The following ANKRD30A variants were observed in gnomAD, a reference collection of about 807,000 sequenced individuals.
ANKRD30A encodes ankyrin repeat domain-containing protein 30A.
A neutral mutation model predicts 166.3 loss-of-function variants in ANKRD30A; 170 were observed. The observed-to-expected ratio is 1.02, with a 90% confidence interval of 0.90 to 1.16. The LOEUF is 1.16. ANKRD30A is among the 50% of genes most tolerant of loss of function. The probability of loss-of-function intolerance (pLI) is 0.00; values close to 1 mark genes in which losing one functional copy is unlikely to be tolerated. For missense variants in ANKRD30A, 1,630 were observed against 1,518.0 expected, an observed-to-expected ratio of 1.07 and a Z score of -1.23; for synonymous variants, 564 against 508.9, an observed-to-expected ratio of 1.11 and a Z score of -1.46.
chr10:37,141,754 C>A lies in ANKRD30A; in HGVS notation c.857C>A (p.Pro286His). 6.2e-7 allele frequency: 1 copy of A among 1,611,960 alleles called. No homozygotes were observed. Among genetic ancestry groups the A allele is most frequent in the Non-Finnish European group, 8.5e-7 (1 of 1,179,776 alleles). ...TSAGTPDEAA[P>H]LAERTPDTAE... ...GCAGGAACACCTGATGAGGCTGCACCCTTGGCGGAAAGAACACCTGACACA... is the reference window on the plus strand; with the variant it reads ...GCAGGAACACCTGATGAGGCTGCACACTTGGCGGAAAGAACACCTGACACA... The change falls in exon 7 of 36, where the codon CCC becomes CAC. Residue 286 changes from proline to histidine, a missense_variant. Physicochemically the swap from Pro to His is moderately conservative, Grantham distance 77. This residue lies in a region of ANKRD30A where 904 missense variants were observed against 818.5 expected (regional missense o/e 1.10). Transcript: ENST00000361713.
At chr10:37,243,457 A>G in the ANKRD30A span, among the ~76,000 whole-genome samples, 1 of 151,830 alleles carries the variant, frequency 6.6e-6, no homozygotes, top group African/African-American at 2.4e-5. Flanking sequence ...AAATTTTTTT[A>G]TATTTCTTGA....
the ANKRD30A span, among the ~76,000 whole-genome samples, chr10:37,254,931 C>T: frequency 1.4e-3 from 216 of 152,190 alleles, no homozygotes; most frequent in Middle Eastern, 0.021. Flanking sequence ...ATCTGCCCAC[C>T]TCAGCCTCCC....
rs1840717984 is a variant in ANKRD30A, at chr10:37,192,918, C to T, written c.2513-146C>T. 11 of 1,478,038 alleles carry T rather than the reference C, an allele frequency of 7.4e-6. No homozygotes were observed. The Admixed American group carries it at 8.6e-5, about 12-fold the overall frequency. 91.6% of individuals were successfully genotyped at this position (1,478,038 alleles called of 1,614,324 possible). On this transcript the variant is annotated intron_variant, in intron 25 of 35. Transcript: ENST00000361713. ...TGTCACGTTGGCATGATAACAAATACAGTAACCCAAAAGACCCCAAAAGCT... is the reference window on the plus strand; with the variant it reads ...TGTCACGTTGGCATGATAACAAATATAGTAACCCAAAAGACCCCAAAAGCT...
chr10:37,248,133 C>A, the ANKRD30A span: 1 of 612,870 alleles, frequency 1.6e-6, no homozygotes, highest in Non-Finnish European at 3.2e-6. Context: ...CACCGCTATG[C>A]CTCCTTTCAC....
chr10:37,129,044 C>A (rs1252167379), intron 1 of ANKRD30A, among the ~76,000 whole-genome samples: 2 of 152,094 alleles, frequency 1.3e-5, no homozygotes, highest in Non-Finnish European at 2.9e-5. Flanking sequence ...TGGCTTGAAG[C>A]TTTAAAAATA....
chr10:37,201,961 G>A (rs1200897), intron 31 of ANKRD30A, among the ~76,000 whole-genome samples: 70,393 of 151,792 alleles, frequency 0.46, 16,593 homozygotes, highest in African/African-American at 0.48. Context: ...AAATCAGCGG[G>A]AAACCTAGTT....
intron 1 of ANKRD30A, 36 bp downstream of exon 1, chr10:37,126,044 A>G (rs1314678852): frequency 2.0e-6 from 2 of 979,600 alleles, no homozygotes; most frequent in Non-Finnish European, 1.5e-6. Context: ...CTGCAGGAGG[A>G]GGTGGGGGCG....
intron 31 of ANKRD30A, among the ~76,000 whole-genome samples, chr10:37,203,913 T>C (rs952248462): frequency 1.3e-5 from 2 of 152,106 alleles, no homozygotes; most frequent in African/African-American, 4.8e-5. Context: ...ATAAAATATC[T>C]AGGAATCCAA....
At chr10:37,233,160 A>T (rs1843529960), downstream of ANKRD30A, among the ~76,000 whole-genome samples, 1 of 152,244 alleles carries the variant, frequency 6.6e-6, no homozygotes, top group South Asian at 2.1e-4. Flanking sequence ...GCTTTCTCAG[A>T]CAGCATTGCT....
At chr10:37,152,004 A>G (rs45590233) in intron 11 of ANKRD30A, 56 bp from the exon 12 acceptor site, 7 of 1,464,206 alleles carry the variant, frequency 4.8e-6, no homozygotes, top group Non-Finnish European at 5.6e-6. Context: ...ATATGTTTTT[A>G]AAATTTATAG....
rs560011533 is a variant in ANKRD30A, at chr10:37,203,437, A to C, written c.2869+2112A>C. 4.2e-4 allele frequency among the ~76,000 whole-genome samples: 64 copies of C among 152,226 alleles called. 1 individual carries two copies. The highest frequency in any genetic ancestry group is 2.2e-4 in the Non-Finnish European group (15 of 67,990). On this transcript the variant is annotated intron_variant, in intron 31 of 35. Transcript: ENST00000361713. ...AAGGCCTTTGACAAAATTCAACAGC[A>C]CTTCATGCTAAAAACTCTCAATAAA...
At chr10:37,203,967 C>T (rs137909976) in intron 31 of ANKRD30A, among the ~76,000 whole-genome samples, 200 of 152,174 alleles carry the variant, frequency 1.3e-3, no homozygotes, top group Non-Finnish European at 2.7e-3. Context: ...AACTATACAC[C>T]ACTGCTTAAC....
Position 37,144,855 on chromosome 10 carries a change from G to C in ANKRD30A, c.1394-140G>C, listed in dbSNP as rs563683797. ...CTCTAACCATTTGACTATAGAAGTG[G>C]TTGTGGTTATCTACCAATAGAATAT... On this transcript the variant is annotated intron_variant, in intron 7 of 35. Transcript: ENST00000361713. 20 of 526,132 alleles carry C rather than the reference G, an allele frequency of 3.8e-5. No individual in the cohort carries two copies. In the South Asian group the frequency reaches 6.8e-4, roughly 18 times the overall value. The allele number at this position is 526,132 out of a possible 1,614,324, so 32.6% of individuals were successfully genotyped here.
Position 37,219,634 on chromosome 10 carries a change from A to C in ANKRD30A, c.3922A>C (p.Asn1308His), listed in dbSNP as rs1432254290. The C allele has an allele frequency of 6.2e-7, 1 of 1,610,050 alleles. No homozygotes were observed. Among genetic ancestry groups the C allele is most frequent in the African/African-American group, 1.3e-5 (1 of 74,586 alleles). Residue 1308 changes from asparagine (N) to histidine (H), a missense_variant, in exon 34 of 36, where the codon AAT (asparagine) becomes CAT (histidine). This residue lies in a region of ANKRD30A where 712 missense variants were observed against 629.3 expected (regional missense o/e 1.13). Coordinates refer to ENST00000361713, the MANE Select transcript of ANKRD30A (RefSeq NM_052997.3). Reference protein sequence around the residue: ...AEHMYQNEQDNVNKHTEQQES... With the variant: ...AEHMYQNEQDHVNKHTEQQES... ...ACACATGTATCAAAACGAACAAGATAATGTGAACAAACACACTGAACAGCA... is the reference window on the plus strand; with the variant it reads ...ACACATGTATCAAAACGAACAAGATCATGTGAACAAACACACTGAACAGCA...
In ANKRD30A at chr10:37,145,038, A is replaced by T; in HGVS notation, c.1437A>T (p.Glu479Asp). The T allele has an allele frequency of 6.3e-7, 1 of 1,598,666 alleles. No individual in the cohort carries two copies. Among genetic ancestry groups the T allele is most frequent in the Non-Finnish European group, 8.5e-7 (1 of 1,172,662 alleles). ...AATCCAAACAAGAGGAAGATGAAGAATATTCTTGTGATTCTCGGGTATTGT... is the reference window on the plus strand; with the variant it reads ...AATCCAAACAAGAGGAAGATGAAGATTATTCTTGTGATTCTCGGGTATTGT... ...PSESKQEEDE[E>D]YSCDSRSLFE... The change falls in exon 8 of 36, where the codon GAA (glutamate) becomes GAT (aspartate). Residue 479 changes from glutamate to aspartate, a missense_variant. Physicochemically the swap from Glu to Asp is conservative, Grantham distance 45. Transcript: ENST00000361713.
chr10:37,219,599 A>G lies in ANKRD30A; in HGVS notation c.3887A>G (p.Lys1296Arg). 1 of 1,610,394 alleles carries G rather than the reference A, an allele frequency of 6.2e-7. No homozygotes were observed. The highest frequency in any genetic ancestry group is 8.5e-7 in the Non-Finnish European group (1 of 1,177,712). ...CAACGTGAAACACAGTGTCAAATGA[A>G]GGAAGCTGAACACATGTATCAAAAC... ...RDQRETQCQM[K>R]EAEHMYQNEQ... The change falls in exon 34 of 36, where the codon AAG (lysine) becomes AGG (arginine). Residue 1296 changes from lysine to arginine, a missense_variant. Lys to Arg is a conservative substitution (Grantham distance 26, BLOSUM62 2). Transcript: ENST00000361713.
At position 37,130,305 on chromosome 10, in the gene ANKRD30A, C is replaced by T. The variant is rs767910312; in HGVS notation, c.437C>T (p.Ala146Val). Residue 146 changes from alanine (A) to valine (V), a missense_variant, in exon 3 of 36, where the codon GCT becomes GTT. By Grantham distance (64) the Ala-to-Val change is moderately conservative. Transcript: ENST00000361713. The part of the protein sequence containing the change: ...DVYGNTALHY[A>V]VYSEILSVVA... ...TATGGCAACACGGCTCTCCATTATG[C>T]TGTTTATAGTGAGATTTTGTCAGTG... The T allele has an allele frequency of 1.9e-6, 3 of 1,602,938 alleles. No homozygotes were observed. In the Admixed American group the frequency reaches 5.2e-5, roughly 28 times the overall value.
At chr10:37,165,502 C>G (rs1326933568) in intron 18 of ANKRD30A, among the ~76,000 whole-genome samples, 74 of 150,382 alleles carry the variant, frequency 4.9e-4, no homozygotes, top group African/African-American at 1.8e-3. Context: ...TGTCTTATAT[C>G]TAGAGGTAGA....
chr10:37,153,764 C>G, intron 13 of ANKRD30A, 102 bp downstream of exon 13: 1 of 1,492,668 alleles, frequency 6.7e-7, no homozygotes, highest in Non-Finnish European at 9.1e-7. Flanking sequence ...CTCCTAAATG[C>G]AAACCATGGA....
Sources: gnomAD v4.1 joint callset for allele counts (sites outside exome capture counted in the v4.1 genomes callset) on GRCh38, gnomAD v4.1.1 for gene constraint, gnomAD v4.1.1 regional missense constraint, MANE v1.5 for transcripts, NCBI Gene and HGNC (gene_info 2026-07-23, HGNC 2026-07-21) for gene names.